The following MYO3A variants were observed in gnomAD, a reference collection of about 807,000 sequenced individuals.
MYO3A encodes the protein myosin IIIA.
MYO3A carries 180 observed loss-of-function variants against 192.7 expected under a neutral mutation model. The ratio of observed to expected loss-of-function variants is 0.93; its 90% CI spans 0.83 to 1.06. The LOEUF is 1.06. MYO3A is among the 50% of genes least tolerant of loss of function. The pLI, the probability that MYO3A is intolerant of heterozygous loss-of-function variation, is 0.00. For missense variants in MYO3A, 1,896 were observed against 1,905.0 expected (o/e 1.00, Z 0.09); for synonymous variants, 628 against 645.3 (o/e 0.97, Z 0.41).
In MYO3A at chr10:26,168,886, G is replaced by T. The variant is rs1385084213; in HGVS notation, c.3274+12G>T. 1.9e-6 allele frequency: 3 copies of T among 1,601,250 alleles called. No individual in the cohort carries two copies. The South Asian group carries it at 3.3e-5, about 18-fold the overall frequency. ...AATAATACAGTCAGGTAATCTCTTT[G>T]ACATATTTAGATATGGTCATAAAAT... On this transcript the variant is annotated intron_variant, in intron 28 of 34. Transcript: ENST00000642920.
intron 10 of MYO3A, among the ~76,000 whole-genome samples, chr10:26,038,844 G>A (rs1017301259): frequency 1.3e-5 from 2 of 152,078 alleles, no homozygotes; most frequent in Non-Finnish European, 2.9e-5. Flanking sequence ...TTTTGTTAAG[G>A]TATGTTTCTT....
chr10:26,170,485 CCATT>C lies in MYO3A; in HGVS notation c.3347_3350del (p.Ile1116LysfsTer21), dbSNP rs760189105. On this transcript the variant is annotated frameshift_variant, in exon 29 of 35. Coordinates refer to ENST00000642920, the MANE Select transcript of MYO3A (RefSeq NM_017433.5). LOFTEE classifies it high-confidence loss of function. ...GACATGAAAAACACAGCAGTAACAA[CCATT>C]CAAACTTCTGATCAGGAATTCGACT... 6.2e-7 allele frequency: 1 copy of C among 1,613,294 alleles called. No homozygotes were observed. The highest frequency in any genetic ancestry group is 2.2e-5 in the East Asian group (1 of 44,798).
Position 26,092,946 on chromosome 10 carries a change from G to A in MYO3A, c.1563-3435G>A, listed in dbSNP as rs1358969851. Reference sequence around the variant, plus strand: ...TGTTTCTTTAACTTTCTGATTGTCCGCTGAAGATCAGTATATTCCCAATAG... The same window carrying A: ...TGTTTCTTTAACTTTCTGATTGTCCACTGAAGATCAGTATATTCCCAATAG... On this transcript the variant is annotated intron_variant, in intron 15 of 34. Transcript: ENST00000642920. 6.6e-5 allele frequency among the ~76,000 whole-genome samples: 10 copies of A among 152,240 alleles called. No individual in the cohort carries two copies. In the Middle Eastern group the frequency reaches 0.01, roughly 155 times the overall value.
intron 8 of MYO3A, chr10:26,023,442 A>T (rs757791281): frequency 6.5e-6 from 1 of 152,822 alleles, no homozygotes; most frequent in Non-Finnish European, 1.5e-5. Context: ...ATATTTGTTC[A>T]GCTTAAACTG....
chr10:26,135,376 A>T (rs1057216054), intron 20 of MYO3A, among the ~76,000 whole-genome samples: 1 of 151,774 alleles, frequency 6.6e-6, no homozygotes, highest in Non-Finnish European at 1.5e-5. Flanking sequence ...TTATTATTTA[A>T]TTATTAGATT....
intron 18 of MYO3A, among the ~76,000 whole-genome samples, chr10:26,121,779 T>A (rs1270683213): frequency 1.3e-5 from 2 of 152,080 alleles, no homozygotes; most frequent in Admixed American, 6.6e-5. Flanking sequence ...AAATGGAGAA[T>A]CATGATACAA....
intron 6 of MYO3A, among the ~76,000 whole-genome samples, chr10:26,004,559 T>G (rs990230757): frequency 2.0e-5 from 3 of 152,224 alleles, no homozygotes; most frequent in East Asian, 1.9e-4. Flanking sequence ...CACCTAGCTT[T>G]TGGTTTTTAA....
chr10:26,102,151 C>A lies in MYO3A; in HGVS notation c.1776+5469C>A, dbSNP rs138779560. Among the ~76,000 whole-genome samples, 961 of 152,242 alleles carry A rather than the reference C, an allele frequency of 6.3e-3. 12 individuals carry two copies. Among genetic ancestry groups the A allele is most frequent in the African/African-American group, 0.022 (899 of 41,536 alleles). On this transcript the variant is annotated intron_variant, in intron 17 of 34. Coordinates refer to ENST00000642920, the MANE Select transcript of MYO3A (RefSeq NM_017433.5). ...TCTCGCTTCATTTCATTCATTTGAT[C>A]TTCAATCACTGATACTCTTTCTTCC...
At position 26,021,663 on chromosome 10, in the gene MYO3A, A is replaced by T. The variant is rs183347061; in HGVS notation, c.731+15A>T. 13 of 1,613,874 alleles carry T rather than the reference A, an allele frequency of 8.1e-6. No homozygotes were observed. In the African/African-American group the frequency reaches 1.6e-4, roughly 20 times the overall value. On this transcript the variant is annotated intron_variant, in intron 8 of 34. Transcript: ENST00000642920. ...AAAATACCAAGGTCAGATGACTAAC[A>T]TTGGGTCCAGTATCTGCAGCCCGAT...
intron 26 of MYO3A, among the ~76,000 whole-genome samples, chr10:26,164,172 T>C (rs1841615765): frequency 6.6e-6 from 1 of 152,174 alleles, no homozygotes; most frequent in Admixed American, 6.5e-5. Context: ...GTGAAGACGA[T>C]TATTTTAAAC....
intron 10 of MYO3A, among the ~76,000 whole-genome samples, chr10:26,038,527 G>T (rs1256212465): frequency 6.6e-6 from 1 of 152,126 alleles, no homozygotes; most frequent in Non-Finnish European, 1.5e-5. Context: ...AAATGCTACT[G>T]ATTTTTGTAC....
At chr10:26,133,521 G>T (rs1356332933) in intron 20 of MYO3A, among the ~76,000 whole-genome samples, 1 of 152,156 alleles carries the variant, frequency 6.6e-6, no homozygotes, top group Non-Finnish European at 1.5e-5. Context: ...GTGAAGTTTG[G>T]TCGACACCCT....
At chr10:26,101,781 G>A (rs113083505) in intron 17 of MYO3A, among the ~76,000 whole-genome samples, 14,819 of 152,214 alleles carry the variant, frequency 0.097, 798 homozygotes, top group Non-Finnish European at 0.12. Flanking sequence ...TAGTCTGATG[G>A]ACTTCCCTTT....
chr10:26,062,530 A>ACAAAACAAAAAAAACAAAAAAAAACG (rs372411153), intron 10 of MYO3A, among the ~76,000 whole-genome samples: 1 of 125,946 alleles, frequency 7.9e-6, no homozygotes, highest in African/African-American at 2.9e-5. Context: ...AAAAAAAAAA[A>ACAAAACAAAAAAAACAAAAAAAAACG]AAATTATGGA....
intron 1 of MYO3A, among the ~76,000 whole-genome samples, chr10:25,935,177 G>T (rs1835971445): frequency 6.6e-6 from 1 of 152,178 alleles, no homozygotes. Flanking sequence ...TAATTTTAAG[G>T]AGAAAGAGCA....
At position 26,173,848 on chromosome 10, in the gene MYO3A, T is replaced by A; in HGVS notation, c.3584T>A (p.Val1195Glu). 6.2e-7 allele frequency: 1 copy of A among 1,613,798 alleles called. No individual in the cohort carries two copies. The highest frequency in any genetic ancestry group is 8.5e-7 in the Non-Finnish European group (1 of 1,179,970). ...CAGACTCCAAAAAAAATGAATAATG[T>A]GTATGAGGAAGAGGTTAAGCAAGAA... ...VYQTPKKMNN[V>E]YEEEVKQEFY... Residue 1195 changes from valine to glutamate, a missense_variant, in exon 30 of 35, where the codon GTG becomes GAG. Coordinates refer to ENST00000642920, the MANE Select transcript of MYO3A (RefSeq NM_017433.5).
intron 10 of MYO3A, among the ~76,000 whole-genome samples, chr10:26,062,530 A>AAAAAACAAAAAAAACAAAAAAAAAACG (rs1554816581): frequency 2.1e-4 from 26 of 126,010 alleles, no homozygotes; most frequent in South Asian, 1.9e-3. Context: ...AAAAAAAAAA[A>AAAAAACAAAAAAAACAAAAAAAAAACG]AAATTATGGA....
chr10:26,035,017 A>G, intron 10 of MYO3A, among the ~76,000 whole-genome samples: 1 of 151,976 alleles, frequency 6.6e-6, no homozygotes, highest in Non-Finnish European at 1.5e-5. Flanking sequence ...TCTTGGCTAA[A>G]ATAAAAAGTA....
intron 4 of MYO3A, among the ~76,000 whole-genome samples, chr10:25,995,216 T>C (rs1588727272): frequency 6.6e-6 from 1 of 152,228 alleles, no homozygotes; most frequent in South Asian, 2.1e-4. Flanking sequence ...TTTCTTTTTA[T>C]TCTTTTTTCT....
Sources: allele counts gnomAD v4.1 joint callset (sites outside exome capture counted in the v4.1 genomes callset), GRCh38; gene constraint gnomAD v4.1.1; transcripts MANE v1.5; gene names NCBI Gene and HGNC (gene_info 2026-07-23, HGNC 2026-07-21).